The following FIGN variants were observed in gnomAD, a reference collection of about 807,000 sequenced individuals.
The protein encoded by FIGN is fidgetin.
FIGN carries 11 observed loss-of-function variants against 51.3 expected under a neutral mutation model. The ratio of observed to expected loss-of-function variants is 0.21; its 90% CI spans 0.13 to 0.35. FIGN has a LOEUF of 0.35. Ranked by LOEUF, FIGN falls within the 10% of genes least tolerant of loss-of-function variation. The pLI is 1.00. For synonymous variants in FIGN, 407 were observed against 363.2 expected, an observed-to-expected ratio of 1.12 and a Z score of -1.37; for missense variants, 857 against 943.6, an observed-to-expected ratio of 0.91 and a Z score of 1.20.
chr2:163,733,992 T>C (rs994046014), intron 2 of FIGN, among the ~76,000 whole-genome samples: 2 of 150,416 alleles, frequency 1.3e-5, no homozygotes, highest in African/African-American at 4.9e-5. Context: ...CCTTTGGTTA[T>C]GCAAAATACT....
chr2:163,620,747 C>A (rs181215921), intron 2 of FIGN, among the ~76,000 whole-genome samples: 3 of 152,012 alleles, frequency 2.0e-5, no homozygotes, highest in African/African-American at 7.2e-5. Flanking sequence ...AAACATCTGG[C>A]ATGATACCAA....
Position 163,661,173 on chromosome 2 carries a change from C to T in FIGN, c.26-49367G>A, listed in dbSNP as rs911828708. On this transcript the variant is annotated intron_variant, in intron 2 of 2. Coordinates refer to ENST00000333129, the MANE Select transcript of FIGN (RefSeq NM_018086.4). ...TGCTGGAATTACAGGCGTGAGCCAC[C>T]GCGCCTGGCTAGATTTTTTTAAAAC... Among the ~76,000 whole-genome samples the T allele has an allele frequency of 9.3e-5, 14 of 150,562 alleles. 1 individual carries two copies. Among genetic ancestry groups the T allele is most frequent in the South Asian group, 4.2e-4 (2 of 4,762 alleles).
intron 2 of FIGN, among the ~76,000 whole-genome samples, chr2:163,726,818 C>A (rs1012881666): frequency 6.6e-6 from 1 of 152,016 alleles, no homozygotes; most frequent in African/African-American, 2.4e-5. Flanking sequence ...AATGAGACTG[C>A]CATTATCTAT....
At chr2:163,634,266 A>T (rs1317277140) in intron 2 of FIGN, among the ~76,000 whole-genome samples, 2 of 152,286 alleles carry the variant, frequency 1.3e-5, no homozygotes, top group East Asian at 1.9e-4. Context: ...CTTCTATTCA[A>T]GTCATTTTTC....
At chr2:163,621,415 T>C (rs938884044) in intron 2 of FIGN, among the ~76,000 whole-genome samples, 4 of 152,186 alleles carry the variant, frequency 2.6e-5, no homozygotes, top group African/African-American at 9.7e-5. Flanking sequence ...GGGACCTGTG[T>C]ATAATTTAGT....
intron 2 of FIGN, among the ~76,000 whole-genome samples, chr2:163,684,583 A>G (rs1007209856): frequency 3.9e-5 from 6 of 152,118 alleles, no homozygotes; most frequent in African/African-American, 7.2e-5. Context: ...CAAGCACACA[A>G]TCTAGTTTTC....
At chr2:163,617,955 G>A (rs1682906235) in intron 2 of FIGN, among the ~76,000 whole-genome samples, 1 of 152,004 alleles carries the variant, frequency 6.6e-6, no homozygotes, top group Non-Finnish European at 1.5e-5. Context: ...AACAACACTG[G>A]CTAGACAGAA....
intron 2 of FIGN, among the ~76,000 whole-genome samples, chr2:163,655,614 A>C (rs971171458): frequency 6.6e-6 from 1 of 152,178 alleles, no homozygotes; most frequent in African/African-American, 2.4e-5. Context: ...ATCTGTTTTC[A>C]TACATCATAT....
At chr2:163,697,431 C>T (rs1438125136) in intron 2 of FIGN, among the ~76,000 whole-genome samples, 9 of 152,012 alleles carry the variant, frequency 5.9e-5, no homozygotes, top group Non-Finnish European at 7.4e-5. Context: ...GTGTCCATCT[C>T]CCCCAACCCG....
Position 163,610,070 on chromosome 2 carries a change from C to T in FIGN, c.1762G>A (p.Asp588Asn). The change falls in exon 3 of 3, where the codon GAC (aspartate) becomes AAC (asparagine). Residue 588 changes from aspartate to asparagine, a missense_variant. Transcript: ENST00000333129. ...QPSVIFVSDI[D>N]MLLSSQVNEE... ...TTCACTTGAGAGGAGAGAAGCATGT[C>T]AATGTCACTAACAAAAATCACCGAG... The T allele has an allele frequency of 6.2e-7, 1 of 1,613,976 alleles. No homozygotes were observed. The highest frequency in any genetic ancestry group is 8.5e-7 in the Non-Finnish European group (1 of 1,179,892).
chr2:163,626,878 C>T lies in FIGN; in HGVS notation c.26-15072G>A, dbSNP rs370340028. 2.2e-4 allele frequency among the ~76,000 whole-genome samples: 33 copies of T among 152,200 alleles called. No individual in the cohort carries two copies. The South Asian group carries it at 4.8e-3, about 22-fold the overall frequency. On this transcript the variant is annotated intron_variant, in intron 2 of 2. Coordinates refer to ENST00000333129, the MANE Select transcript of FIGN (RefSeq NM_018086.4). ...CTGGTCGTCCTCACTGCTCATTCTA[C>T]GCTAATTATAATACATTAGAATGCT...
At chr2:163,654,224 G>A (rs549681274) in intron 2 of FIGN, among the ~76,000 whole-genome samples, 63 of 152,078 alleles carry the variant, frequency 4.1e-4, no homozygotes, top group Admixed American at 2.6e-4. Context: ...CGGAATCTTG[G>A]ACAGATTGCT....
chr2:163,629,465 C>T (rs1339139842), intron 2 of FIGN, among the ~76,000 whole-genome samples: 1 of 151,974 alleles, frequency 6.6e-6, no homozygotes, highest in Non-Finnish European at 1.5e-5. Context: ...GGATTTTCCT[C>T]ATTGATAACC....
At chr2:163,646,479 C>T (rs1017496142) in intron 2 of FIGN, among the ~76,000 whole-genome samples, 5 of 152,094 alleles carry the variant, frequency 3.3e-5, no homozygotes, top group Admixed American at 2.0e-4. Flanking sequence ...TGGAGTCACA[C>T]TTCTTGTATG....
intron 2 of FIGN, among the ~76,000 whole-genome samples, chr2:163,728,198 T>C (rs566761311): frequency 1.3e-5 from 2 of 152,256 alleles, no homozygotes; most frequent in South Asian, 2.1e-4. Context: ...TCAATGAGCA[T>C]ACTTTCGTTT....
chr2:163,649,427 G>A (rs557685196), intron 2 of FIGN, among the ~76,000 whole-genome samples: 2 of 152,284 alleles, frequency 1.3e-5, no homozygotes, highest in African/African-American at 4.8e-5. Flanking sequence ...ATGTGAAGAA[G>A]TCTGCCCACC....
At chr2:163,668,180 G>A (rs1036581855) in intron 2 of FIGN, among the ~76,000 whole-genome samples, 9 of 152,084 alleles carry the variant, frequency 5.9e-5, no homozygotes, top group African/African-American at 2.2e-4. Flanking sequence ...GAATGACAAA[G>A]ACTGTCTCAC....
Position 163,610,978 on chromosome 2 carries a change from A to C in FIGN, c.854T>G (p.Leu285Arg). 6.0e-6 allele frequency: 6 copies of C among 1,003,840 alleles called. No individual in the cohort carries two copies. Among genetic ancestry groups the C allele is most frequent in the Middle Eastern group, 2.3e-4 (1 of 4,368 alleles). 62.2% of individuals were successfully genotyped at this position (1,003,840 alleles called of 1,614,324 possible). A position where few individuals can be genotyped will look rare whatever the true frequency, so the allele number is the denominator to read the frequency against. The change falls in exon 3 of 3, where the codon CTA becomes CGA. Residue 285 changes from leucine (L) to arginine (R), a missense_variant. Around this residue, in one of 3 missense-constraint regions of FIGN, gnomAD observed 799 missense variants for 849.5 expected, o/e 0.94. Transcript: ENST00000333129. ...GTAGCCAGGAACAGTGGTGGGGGGTAGGGGGGTGGGAGCAGGAATTCCTGA... is the reference window on the plus strand; with the variant it reads ...GTAGCCAGGAACAGTGGTGGGGGGTCGGGGGGTGGGAGCAGGAATTCCTGA... ...LPSGIPAPTP[L>R]PPTTVPGYTY...
intron 2 of FIGN, among the ~76,000 whole-genome samples, chr2:163,630,133 C>T (rs1484933138): frequency 6.6e-6 from 1 of 151,146 alleles, no homozygotes; most frequent in East Asian, 1.9e-4. Flanking sequence ...GCCTAGCAAA[C>T]TTTTTTATTT....
Sources: allele counts gnomAD v4.1 joint callset (sites outside exome capture counted in the v4.1 genomes callset), GRCh38; gene constraint gnomAD v4.1.1; regional missense constraint gnomAD v4.1.1; transcripts MANE v1.5; gene names NCBI Gene and HGNC (gene_info 2026-07-23, HGNC 2026-07-21).